Variants in SFMBT1 observed in about 807,000 individuals in gnomAD.
SFMBT1 encodes the protein Scm like with four mbt domains 1.
SFMBT1 carries 32 observed loss-of-function variants against 108.7 expected under a neutral mutation model. The observed-to-expected ratio is 0.29, with a 90% CI of 0.22 to 0.40. The LOEUF is 0.40. SFMBT1 is among the 10% of genes least tolerant of loss of function. The pLI is 1.00. For missense variants in SFMBT1, 816 were observed against 1,059.6 expected, an observed-to-expected ratio of 0.77 and a Z score of 3.19; for synonymous variants, 348 against 369.5, an observed-to-expected ratio of 0.94 and a Z score of 0.67.
chr3:52,938,639 G>GTTTT (rs35655166), intron 4 of SFMBT1, among the ~76,000 whole-genome samples: 1 of 148,532 alleles, frequency 6.7e-6, no homozygotes, highest in African/African-American at 2.5e-5. Context: ...CAATAAAGCT[G>GTTTT]TTTTTTTTTT....
chr3:52,915,978 T>A (rs943552379), intron 14 of SFMBT1, among the ~76,000 whole-genome samples, 172 bp downstream of exon 14: 10 of 152,200 alleles, frequency 6.6e-5, no homozygotes, highest in Non-Finnish European at 1.0e-4. Context: ...AGCCTAGAGA[T>A]GATTATTAAA....
chr3:52,951,187 A>C (rs1486765700), intron 3 of SFMBT1, among the ~76,000 whole-genome samples: 5 of 138,042 alleles, frequency 3.6e-5, no homozygotes, highest in Non-Finnish European at 6.2e-5. Context: ...AAAAAAAAAA[A>C]AAAAACACAC....
chr3:52,937,245 A>G (rs376985542), intron 4 of SFMBT1, among the ~76,000 whole-genome samples: 4 of 152,304 alleles, frequency 2.6e-5, no homozygotes, highest in South Asian at 4.1e-4. Flanking sequence ...AAAATAGGTT[A>G]AGATTTTTTC....
rs894572588 is a variant in SFMBT1, at chr3:52,995,900, C to A, written c.-130-26642G>T. Among the ~76,000 whole-genome samples the A allele has an allele frequency of 5.4e-5, 8 of 148,960 alleles. 1 individual carries two copies. Among genetic ancestry groups the A allele is most frequent in the Admixed American group, 1.4e-4 (2 of 14,704 alleles). On this transcript the variant is annotated intron_variant, in intron 1 of 20. Coordinates refer to ENST00000394752, the MANE Select transcript of SFMBT1 (RefSeq NM_016329.4). ...CAGCCTGGCCAACATGGTGAAACCCCGTCTCTACTAAAAATACAAAAATTA... is the reference window on the plus strand; with the variant it reads ...CAGCCTGGCCAACATGGTGAAACCCAGTCTCTACTAAAAATACAAAAATTA...
At chr3:52,916,043 A>G (rs755272317) in intron 14 of SFMBT1, 107 bp downstream of exon 14, 114 of 874,408 alleles carry the variant, frequency 1.3e-4, no homozygotes, top group Non-Finnish European at 1.9e-4. Context: ...AGACCCCTCT[A>G]TGAAGACACA....
At chr3:53,014,536 C>T (rs1699064133) in intron 1 of SFMBT1, among the ~76,000 whole-genome samples, 1 of 152,088 alleles carries the variant, frequency 6.6e-6, no homozygotes, top group Non-Finnish European at 1.5e-5. Context: ...TCTAGAACCA[C>T]CACCCAATGA....
intron 11 of SFMBT1, among the ~76,000 whole-genome samples, chr3:52,921,297 T>C (rs1018114159): frequency 2.6e-5 from 4 of 152,178 alleles, no homozygotes; most frequent in South Asian, 2.1e-4. Context: ...TGTCCAATTA[T>C]TGAATATTAC....
At chr3:53,006,362 G>A (rs1490317679) in intron 1 of SFMBT1, among the ~76,000 whole-genome samples, 1 of 152,156 alleles carries the variant, frequency 6.6e-6, no homozygotes, top group African/African-American at 2.4e-5. Flanking sequence ...CTGGCGCGGT[G>A]GCTCACGCCT....
chr3:52,999,927 C>A (rs147475073), intron 1 of SFMBT1, among the ~76,000 whole-genome samples: 2 of 150,066 alleles, frequency 1.3e-5, no homozygotes, highest in African/African-American at 2.4e-5. Flanking sequence ...GGCACAATCT[C>A]GGCTCACTGC....
chr3:52,936,287 T>C (rs1163967271), intron 4 of SFMBT1, among the ~76,000 whole-genome samples: 2 of 152,218 alleles, frequency 1.3e-5, no homozygotes, highest in African/African-American at 4.8e-5. Context: ...TATGCTGAGG[T>C]AGATTTCATA....
chr3:52,976,066 A>C (rs1224445886), intron 1 of SFMBT1, among the ~76,000 whole-genome samples: 2 of 152,210 alleles, frequency 1.3e-5, no homozygotes, highest in Non-Finnish European at 2.9e-5. Flanking sequence ...TGGACAATCC[A>C]GCTACATTTT....
At chr3:52,990,713 AGAAG>A (rs1365537058) in intron 1 of SFMBT1, among the ~76,000 whole-genome samples, 2 of 152,212 alleles carry the variant, frequency 1.3e-5, no homozygotes, top group African/African-American at 4.8e-5. Flanking sequence ...ATGGATGGAA[AGAAG>A]GAAGGAAGGA....
At chr3:52,919,504 G>C (rs979659152) in intron 12 of SFMBT1, among the ~76,000 whole-genome samples, 2 of 152,220 alleles carry the variant, frequency 1.3e-5, no homozygotes, top group East Asian at 1.9e-4. Context: ...GTGGATGCTG[G>C]AGTGGGGGTT....
intron 15 of SFMBT1, among the ~76,000 whole-genome samples, chr3:52,912,939 C>T (rs1702250997): frequency 6.6e-6 from 1 of 152,170 alleles, no homozygotes; most frequent in South Asian, 2.1e-4. Context: ...GCTTTCCCAG[C>T]CACGGTACAC....
intron 13 of SFMBT1, among the ~76,000 whole-genome samples, chr3:52,916,781 G>C (rs975373257): frequency 3.3e-5 from 5 of 152,066 alleles, no homozygotes; most frequent in Admixed American, 6.5e-5. Context: ...TGGACAGTCT[G>C]TATATAGCAT....
At chr3:52,943,885 T>A (rs1703274783) in intron 3 of SFMBT1, among the ~76,000 whole-genome samples, 2 of 152,222 alleles carry the variant, frequency 1.3e-5, no homozygotes, top group Admixed American at 6.5e-5. Context: ...GTCACCATTT[T>A]AATAGCTTTC....
chr3:52,921,937 G>A (rs1702531466), intron 10 of SFMBT1, 106 bp from the exon 11 acceptor site: 2 of 1,117,212 alleles, frequency 1.8e-6, no homozygotes, highest in Admixed American at 4.2e-5. Context: ...TAGGTTTAAA[G>A]ATAACATTTA....
chr3:52,984,543 T>C (rs961600194), intron 1 of SFMBT1, among the ~76,000 whole-genome samples: 3 of 152,064 alleles, frequency 2.0e-5, no homozygotes, highest in Non-Finnish European at 4.4e-5. Flanking sequence ...AACATTCCAA[T>C]TTCAACACCC....
intron 1 of SFMBT1, among the ~76,000 whole-genome samples, chr3:53,008,781 A>G (rs372348798): frequency 0.034 from 5,100 of 151,764 alleles, 266 homozygotes; most frequent in African/African-American, 0.11. Context: ...ACTACAAGGC[A>G]CCCGCCACCA....
Sources: allele counts gnomAD v4.1 joint callset (sites outside exome capture counted in the v4.1 genomes callset), GRCh38; gene constraint gnomAD v4.1.1; transcripts MANE v1.5; gene names NCBI Gene and HGNC (gene_info 2026-07-23, HGNC 2026-07-21).